Variants in PEDS1 observed in about 807,000 individuals in gnomAD.
PEDS1 encodes plasmanylethanolamine desaturase 1, also known as CarF homolog.
Under a neutral mutation model 35.2 loss-of-function variants are expected in PEDS1, and 14 were observed. The ratio of observed to expected loss-of-function variants is 0.40; its 90% CI spans 0.26 to 0.62. The LOEUF (loss-of-function observed/expected upper bound fraction) is 0.62, where lower values mean the gene tolerates loss of function less well. PEDS1 is among the 20% of genes least tolerant of loss of function. The pLI is 0.44. For missense variants in PEDS1, 260 were observed against 367.8 expected (o/e 0.71, Z 2.40); for synonymous variants, 152 against 152.0 (o/e 1.00, Z 0.00).
At position 50,122,433 on chromosome 20, in the gene PEDS1, T is replaced by C. The variant is rs2081059252; in HGVS notation, c.*2625A>G. On this transcript the variant is annotated 3_prime_UTR_variant, in exon 6 of 6. Coordinates refer to ENST00000371652, the MANE Select transcript of PEDS1 (RefSeq NM_199129.4). The stretch of plus-strand genomic sequence containing the variant: ...AAATAAATGTCATGGCTGGACGCAG[T>C]GGCTCATGCCTGTAATCCCAACACT... 6.6e-6 allele frequency: 1 copy of C among 152,234 alleles called. No individual in the cohort carries two copies. The allele number at this position is 152,234 out of a possible 1,614,324, so 9.4% of individuals were successfully genotyped here.
chr20:50,151,806 C>T (rs1456902177), intron 1 of PEDS1, among the ~76,000 whole-genome samples: 1 of 152,092 alleles, frequency 6.6e-6, no homozygotes, highest in East Asian at 1.9e-4. Context: ...TTGCAGTGAG[C>T]CGAGATCACG....
At chr20:50,139,314 C>G (rs541814600) in intron 2 of PEDS1, among the ~76,000 whole-genome samples, 13 of 152,290 alleles carry the variant, frequency 8.5e-5, no homozygotes, top group African/African-American at 3.1e-4. Context: ...CTCCTACGGC[C>G]TTCACTTGTT....
At chr20:50,144,175 A>G (rs1170364492) in intron 1 of PEDS1, among the ~76,000 whole-genome samples, 1 of 152,228 alleles carries the variant, frequency 6.6e-6, no homozygotes, top group African/African-American at 2.4e-5. Context: ...GAGTGGCCCA[A>G]TTCTCTGACA....
At chr20:50,140,624 T>C (rs1208783613) in intron 2 of PEDS1, among the ~76,000 whole-genome samples, 3 of 152,230 alleles carry the variant, frequency 2.0e-5, no homozygotes, top group Non-Finnish European at 4.4e-5. Flanking sequence ...CAGGTCTCTG[T>C]GCAAACGTCA....
intron 1 of PEDS1, among the ~76,000 whole-genome samples, chr20:50,145,514 G>A (rs1396777057): frequency 6.6e-6 from 1 of 152,160 alleles, no homozygotes; most frequent in Admixed American, 6.5e-5. Flanking sequence ...GGCCAACGTG[G>A]CGAAACCCCA....
intron 3 of PEDS1, 53 bp downstream of exon 3, chr20:50,130,803 G>A (rs2081170160): frequency 6.2e-7 from 1 of 1,607,806 alleles, no homozygotes; most frequent in South Asian, 1.1e-5. Context: ...ACTCACTCAA[G>A]GCCATACAGC....
chr20:50,129,217 C>A lies in PEDS1; in HGVS notation c.478+329G>T, dbSNP rs1277875450. On this transcript the variant is annotated intron_variant, in intron 4 of 5. Transcript: ENST00000371652. This position sits in a 1 kb window ranked among gnomAD's most constrained non-coding sequence, Gnocchi z 4.2. Reference sequence around the variant, plus strand: ...CTGCCAGGCAGGTAACACAAATGAACAAGGTGGGTTGGGTGCAGGGAAGCA... The same window carrying A: ...CTGCCAGGCAGGTAACACAAATGAAAAAGGTGGGTTGGGTGCAGGGAAGCA... Among the ~76,000 whole-genome samples, 1 of 152,122 alleles carries A rather than the reference C, an allele frequency of 6.6e-6. No individual in the cohort carries two copies. Among genetic ancestry groups the A allele is most frequent in the African/African-American group, 2.4e-5 (1 of 41,418 alleles).
chr20:50,143,031 A>G (rs1053301086), intron 2 of PEDS1, among the ~76,000 whole-genome samples: 3 of 152,050 alleles, frequency 2.0e-5, no homozygotes, highest in African/African-American at 7.2e-5. Context: ...ATGTATGCAG[A>G]TGAGAGTGGG....
chr20:50,126,858 C>T (rs1044266642), intron 5 of PEDS1, among the ~76,000 whole-genome samples: 5 of 152,222 alleles, frequency 3.3e-5, no homozygotes, highest in Admixed American at 3.3e-4. Context: ...CTCTGGCCTG[C>T]TGCTTCCTGT....
chr20:50,147,766 A>G (rs2081360309), intron 1 of PEDS1, among the ~76,000 whole-genome samples: 1 of 152,188 alleles, frequency 6.6e-6, no homozygotes, highest in South Asian at 2.1e-4. Flanking sequence ...AAGAATGCAT[A>G]CACAATGGCC....
intron 2 of PEDS1, among the ~76,000 whole-genome samples, chr20:50,135,098 T>G (rs550199970): frequency 6.6e-6 from 1 of 152,158 alleles, no homozygotes; most frequent in East Asian, 1.9e-4. Context: ...GGCAGGAGAA[T>G]CGCTTGAACC....
At chr20:50,131,051 G>T in intron 2 of PEDS1, 104 bp from the exon 3 acceptor site, 1 of 1,590,196 alleles carries the variant, frequency 6.3e-7, no homozygotes, top group East Asian at 2.3e-5. Flanking sequence ...AGGAGGGGAA[G>T]GTGTCCCTTC....
intron 2 of PEDS1, 57 bp downstream of exon 2, chr20:50,143,445 G>A (rs571570889): frequency 2.0e-5 from 32 of 1,564,786 alleles, no homozygotes; most frequent in South Asian, 1.2e-4. Flanking sequence ...CCAGTTACCC[G>A]GTGGGTCCCT....
intron 1 of PEDS1, among the ~76,000 whole-genome samples, chr20:50,144,801 C>A (rs2081329763): frequency 6.6e-6 from 1 of 152,056 alleles, no homozygotes; most frequent in Non-Finnish European, 1.5e-5. Flanking sequence ...AAATAGCAGC[C>A]ATTTATGTTA....
At position 50,128,015 on chromosome 20, in the gene PEDS1, G is replaced by A. The variant is rs781367860; in HGVS notation, c.651C>T (p.His217=). Reference sequence around the variant, plus strand: ...AGTAGGTCTCGTGGGGTGAGACGTGGTGGATGCGATGGTGTTTACGTGGCA... The same window carrying A: ...AGTAGGTCTCGTGGGGTGAGACGTGATGGATGCGATGGTGTTTACGTGGCA... ...VILPRKHHRI[H]HVSPHETYFC... Residue 217 remains histidine (H), a synonymous_variant, in exon 5 of 6, where the codon CAC becomes CAT. Coordinates refer to ENST00000371652, the MANE Select transcript of PEDS1 (RefSeq NM_199129.4). The surrounding 1 kb of genome is among the most constrained non-coding windows in gnomAD (Gnocchi z 5.2). 3 of 1,614,098 alleles carry A rather than the reference G, an allele frequency of 1.9e-6. No homozygotes were observed. Among genetic ancestry groups the A allele is most frequent in the African/African-American group, 2.7e-5 (2 of 74,936 alleles).
chr20:50,143,766 C>T, intron 1 of PEDS1, 145 bp from the exon 2 acceptor site: 29 of 1,373,562 alleles, frequency 2.1e-5, no homozygotes, highest in East Asian at 2.6e-5. Flanking sequence ...GGTGCCATCT[C>T]GGCTCACTGC....
chr20:50,127,951 AT>A, intron 5 of PEDS1, 23 bp downstream of exon 5: 1 of 1,608,098 alleles, frequency 6.2e-7, no homozygotes, highest in Non-Finnish European at 8.5e-7. Flanking sequence ...GGGAAAGCCC[AT>A]TCCACGCCAC....
intron 1 of PEDS1, among the ~76,000 whole-genome samples, 172 bp from the exon 2 acceptor site, chr20:50,143,793 G>A: frequency 6.6e-6 from 1 of 151,890 alleles, no homozygotes; most frequent in Non-Finnish European, 1.5e-5. Context: ...CACCTCCCAG[G>A]TTCAATCGAT....
chr20:50,144,061 C>T (rs1231666573), intron 1 of PEDS1, among the ~76,000 whole-genome samples: 4 of 152,084 alleles, frequency 2.6e-5, no homozygotes, highest in East Asian at 1.9e-4. Flanking sequence ...TACAGACTCC[C>T]GCAAAGGAGT....
Sources: allele counts gnomAD v4.1 joint callset (sites outside exome capture counted in the v4.1 genomes callset), GRCh38; gene constraint gnomAD v4.1.1; non-coding constraint Gnocchi (gnomAD v3.1); transcripts MANE v1.5; gene names NCBI Gene and HGNC (gene_info 2026-07-23, HGNC 2026-07-21).